The following SPOCK3 variants were observed in gnomAD, a reference collection of about 807,000 sequenced individuals.
SPOCK3 encodes the protein SPARC (osteonectin), cwcv and kazal like domains proteoglycan 3.
In SPOCK3, 30 loss-of-function variants were observed where a neutral mutation model predicts 56.6. That is an observed-to-expected ratio of 0.53 (90% confidence interval 0.40 to 0.72). SPOCK3 has a LOEUF of 0.72. Among genes scored for constraint, SPOCK3 ranks in the 30% least tolerant of loss-of-function variants. SPOCK3 has a pLI of 0.00. For synonymous variants in SPOCK3, 196 were observed against 183.3 expected, an observed-to-expected ratio of 1.07 and a Z score of -0.56; for missense variants, 527 against 530.0, an observed-to-expected ratio of 0.99 and a Z score of 0.06.
chr4:167,195,095 C>T (rs1435344404), intron 2 of SPOCK3, among the ~76,000 whole-genome samples: 1 of 152,108 alleles, frequency 6.6e-6, no homozygotes, highest in African/African-American at 2.4e-5. Context: ...TGCCCCAGAG[C>T]ATGAGTAAGC....
chr4:167,205,324 A>ATT (rs1734020736), intron 2 of SPOCK3, among the ~76,000 whole-genome samples: 1 of 49,820 alleles, frequency 2.0e-5, no homozygotes, highest in Non-Finnish European at 3.4e-5. Flanking sequence ...TTTTATATAT[A>ATT]TAATATATAT....
rs367811359 is a variant in SPOCK3 at position 166,800,183 on chromosome 4, GAAAAAAAAAAA to G, written c.590-7905_590-7895del. Among the ~76,000 whole-genome samples the G allele has an allele frequency of 6.4e-4, 33 of 51,776 alleles. 1 individual carries two copies. In the Admixed American group the frequency reaches 6.8e-3, roughly 11 times the overall value. The allele number at this position is 51,776 out of a possible 152,430, so 34.0% of individuals were successfully genotyped here. A position where few individuals can be genotyped will look rare whatever the true frequency, so the allele number is the denominator to read the frequency against. ...GGCGACAGAGAGAGACTCCATCTCA[GAAAAAAAAAAA>G]AAAAAAAAAAAATGAAAACATGGAC... is the stretch of plus-strand genomic sequence containing the variant. On this transcript the variant is annotated intron_variant, in intron 6 of 10. Coordinates refer to ENST00000357545, the MANE Select transcript of SPOCK3 (RefSeq NM_001040159.2).
intron 3 of SPOCK3, among the ~76,000 whole-genome samples, chr4:167,044,542 C>T (rs1165516082): frequency 2.0e-5 from 3 of 152,034 alleles, no homozygotes; most frequent in Admixed American, 6.6e-5. Flanking sequence ...CTCATGTATG[C>T]ATTCAATGGT....
intron 4 of SPOCK3, among the ~76,000 whole-genome samples, chr4:166,951,693 G>A: frequency 7.1e-6 from 1 of 141,254 alleles, no homozygotes; most frequent in East Asian, 2.0e-4. Context: ...ATAAAATACT[G>A]GCAAACTGAA....
At chr4:167,204,780 C>T (rs1054842835) in intron 2 of SPOCK3, among the ~76,000 whole-genome samples, 1 of 151,316 alleles carries the variant, frequency 6.6e-6, no homozygotes, top group Admixed American at 6.6e-5. Context: ...GGGTGGGGGG[C>T]GACGGGTCTT....
At chr4:166,889,326 A>T (rs908921318) in intron 5 of SPOCK3, 82 bp from the exon 6 acceptor site, 1 of 834,236 alleles carries the variant, frequency 1.2e-6, no homozygotes, top group African/African-American at 1.7e-5. Flanking sequence ...AAAGAAAGGT[A>T]ATTTTTGATG....
chr4:167,201,433 G>T (rs1012719318), intron 2 of SPOCK3, among the ~76,000 whole-genome samples: 5 of 151,886 alleles, frequency 3.3e-5, no homozygotes, highest in Non-Finnish European at 5.9e-5. Context: ...GAGGCTATGA[G>T]CTCAGAAGCT....
chr4:167,109,121 T>C (rs1196150434), intron 2 of SPOCK3, among the ~76,000 whole-genome samples: 1 of 34,956 alleles, frequency 2.9e-5, no homozygotes, highest in African/African-American at 1.1e-4. Flanking sequence ...AAAATATATA[T>C]AAATATTATA....
intron 2 of SPOCK3, among the ~76,000 whole-genome samples, chr4:167,213,125 G>T (rs776281633): frequency 1.9e-3 from 292 of 152,316 alleles, no homozygotes; most frequent in Non-Finnish European, 3.4e-3. Flanking sequence ...TAGCATAGAT[G>T]GCCTGGTGTC....
intron 3 of SPOCK3, among the ~76,000 whole-genome samples, chr4:167,047,089 A>T (rs879674751): frequency 6.6e-6 from 1 of 152,168 alleles, no homozygotes; most frequent in Non-Finnish European, 1.5e-5. Flanking sequence ...TCACAAAACA[A>T]AGACCAAGTG....
chr4:167,024,853 A>T (rs1158339297), intron 3 of SPOCK3, among the ~76,000 whole-genome samples: 1 of 151,818 alleles, frequency 6.6e-6, no homozygotes, highest in Non-Finnish European at 1.5e-5. Context: ...TGGAAAAATA[A>T]AAAAAAATTT....
chr4:166,906,725 A>T lies in SPOCK3; in HGVS notation c.474+5895T>A, dbSNP rs1041766001. Among the ~76,000 whole-genome samples, 37 of 151,962 alleles carry T rather than the reference A, an allele frequency of 2.4e-4. 1 individual carries two copies. The Admixed American group carries it at 2.4e-3, about 10-fold the overall frequency. The stretch of plus-strand genomic sequence containing the variant: ...AATTCAGTGAGAAACAACTCAATAA[A>T]TTTAAAAGCCACATATTTTTATTTT... On this transcript the variant is annotated intron_variant, in intron 5 of 10. Transcript: ENST00000357545.
intron 5 of SPOCK3, among the ~76,000 whole-genome samples, chr4:166,903,420 T>C (rs963881357): frequency 6.6e-6 from 1 of 151,968 alleles, no homozygotes; most frequent in African/African-American, 2.4e-5. Context: ...GCATCAACAT[T>C]ATACCATAAT....
In SPOCK3 at chr4:167,147,104, T is replaced by A. The variant is rs181346471; in HGVS notation, c.190-84567A>T. Among the ~76,000 whole-genome samples the A allele has an allele frequency of 1.2e-3, 176 of 151,700 alleles. 1 individual carries two copies. The highest frequency in any genetic ancestry group is 1.9e-3 in the Non-Finnish European group (126 of 67,834). ...AGAAAAGAGAGAAGAATCAAATAGA[T>A]GCAATAAAAAATGATAAAGGGGATA... On this transcript the variant is annotated intron_variant, in intron 2 of 10. Transcript: ENST00000357545.
chr4:167,104,629 C>T (rs2150331642), intron 2 of SPOCK3, among the ~76,000 whole-genome samples: 1 of 151,864 alleles, frequency 6.6e-6, no homozygotes, highest in South Asian at 2.1e-4. Flanking sequence ...AGTTATTGCC[C>T]TTAAAGGGGA....
At chr4:166,754,484 G>A (rs2305593) in intron 8 of SPOCK3, 24 bp downstream of exon 8, 545,303 of 1,587,896 alleles carry the variant, frequency 0.34, 95,552 homozygotes, top group Admixed American at 0.5. Flanking sequence ...AACTATTTGC[G>A]TCTGTAAGGG....
intron 6 of SPOCK3, among the ~76,000 whole-genome samples, chr4:166,837,217 TTTTC>T (rs1293667209): frequency 1.3e-5 from 2 of 152,236 alleles, no homozygotes; most frequent in Non-Finnish European, 2.9e-5. Flanking sequence ...GTTTTGGTTT[TTTTC>T]TTTCTGAGTA....
chr4:167,037,152 G>A (rs577551692), intron 3 of SPOCK3, among the ~76,000 whole-genome samples: 1 of 152,210 alleles, frequency 6.6e-6, no homozygotes, highest in African/African-American at 2.4e-5. Flanking sequence ...AGAAATTGAG[G>A]ATATTTGCTT....
intron 6 of SPOCK3, among the ~76,000 whole-genome samples, chr4:166,844,163 G>A (rs1385013669): frequency 1.3e-5 from 2 of 152,146 alleles, no homozygotes; most frequent in Admixed American, 6.5e-5. Flanking sequence ...GTTTCTTTGG[G>A]TCAAAAACAA....
Sources: gnomAD v4.1 joint callset for allele counts (sites outside exome capture counted in the v4.1 genomes callset) on GRCh38, gnomAD v4.1.1 for gene constraint, MANE v1.5 for transcripts, NCBI Gene and HGNC (gene_info 2026-07-23, HGNC 2026-07-21) for gene names.